COG7: variants seen among roughly 807,000 people sequenced by gnomAD.
COG7 encodes the protein component of oligomeric golgi complex 7, also known as conserved oligomeric Golgi complex subunit 7.
A neutral mutation model predicts 91.5 loss-of-function variants in COG7; 49 were observed. That is an observed-to-expected ratio of 0.54 (90% CI 0.43 to 0.68). COG7 has a LOEUF of 0.68. Among genes scored for constraint, COG7 ranks in the 30% least tolerant of loss-of-function variants. COG7 has a pLI of 0.00. For missense variants in COG7, 895 were observed against 961.3 expected, an observed-to-expected ratio of 0.93 and a Z score of 0.91; for synonymous variants, 365 against 388.7, an observed-to-expected ratio of 0.94 and a Z score of 0.72.
intron 9 of COG7, 141 bp from the exon 10 acceptor site, chr16:23,413,705 C>T: frequency 2.9e-6 from 2 of 681,802 alleles, no homozygotes; most frequent in Non-Finnish European, 5.4e-6. Context: ...AGTGAAACTG[C>T]TTGTAAACCT....
chr16:23,421,984 A>G (rs535186847), intron 7 of COG7, among the ~76,000 whole-genome samples: 1 of 152,316 alleles, frequency 6.6e-6, no homozygotes, highest in Non-Finnish European at 1.5e-5. Context: ...AAAACAGTTC[A>G]TTATAGTTTT....
At chr16:23,452,744 T>C in intron 1 of COG7, 82 bp downstream of exon 1, 15 of 1,531,792 alleles carry the variant, frequency 9.8e-6, no homozygotes, top group Non-Finnish European at 1.3e-5. Context: ...CCCGCCCACC[T>C]GAGTGCCTCA....
intron 2 of COG7, 25 bp from the exon 3 acceptor site, chr16:23,445,189 A>G: frequency 6.6e-7 from 1 of 1,518,614 alleles, no homozygotes; most frequent in Non-Finnish European, 9.1e-7. Flanking sequence ...AGGGGTGAAA[A>G]ATGAAGGGGT....
chr16:23,389,024 C>T lies in COG7; in HGVS notation c.2209G>A (p.Val737Met), dbSNP rs777056912. The T allele has an allele frequency of 9.3e-6, 15 of 1,614,074 alleles. No homozygotes were observed. Among genetic ancestry groups the T allele is most frequent in the East Asian group, 4.5e-5 (2 of 44,856 alleles). Reference protein sequence around the residue: ...LQPSRTLQHIVTLLKTRPEDY... With the variant: ...LQPSRTLQHIMTLLKTRPEDY... ...TCAGGCCTGGTCTTCAGTAGCGTCA[C>T]GATGTGCTGGAGGGTGCGGGACGGC... is the stretch of plus-strand genomic sequence containing the variant. The change falls in exon 17 of 17, where the codon GTG becomes ATG. Residue 737 changes from valine (V) to methionine (M), a missense_variant. Val to Met is a conservative substitution (Grantham distance 21). Transcript: ENST00000307149.
chr16:23,436,751 TTAGA>T (rs1264900180), intron 4 of COG7, among the ~76,000 whole-genome samples: 1 of 152,000 alleles, frequency 6.6e-6, no homozygotes, highest in African/African-American at 2.4e-5. Context: ...GTAAAAACTG[TTAGA>T]TAAAGAACTA....
chr16:23,432,524 A>G (rs1381882830), intron 6 of COG7, among the ~76,000 whole-genome samples: 2 of 152,156 alleles, frequency 1.3e-5, no homozygotes, highest in East Asian at 3.8e-4. Flanking sequence ...TAAATAAGAA[A>G]AAAATAAATA....
At chr16:23,448,277 T>C (rs1276879856) in intron 1 of COG7, among the ~76,000 whole-genome samples, 1 of 152,158 alleles carries the variant, frequency 6.6e-6, no homozygotes, top group Non-Finnish European at 1.5e-5. Flanking sequence ...ATCTGCCTCA[T>C]CTTCAGTTAC....
At position 23,418,946 on chromosome 16, in the gene COG7, T is replaced by A; in HGVS notation, c.1010-119A>T. The A allele has an allele frequency of 4.8e-6, 4 of 838,002 alleles. No individual in the cohort carries two copies. In the South Asian group the frequency reaches 5.7e-5, roughly 12 times the overall value. 51.9% of individuals were successfully genotyped at this position (838,002 alleles called of 1,614,324 possible). A position where few individuals can be genotyped will look rare whatever the true frequency, so the allele number is the denominator to read the frequency against. On this transcript the variant is annotated intron_variant, in intron 7 of 16. Coordinates refer to ENST00000307149, the MANE Select transcript of COG7 (RefSeq NM_153603.4). ...TCCCCATTTGATCTCCAGAGGGGACTATATTTTGTTAAGCAGCTTTTATCA... is the reference window on the plus strand; with the variant it reads ...TCCCCATTTGATCTCCAGAGGGGACAATATTTTGTTAAGCAGCTTTTATCA...
intron 12 of COG7, among the ~76,000 whole-genome samples, chr16:23,405,306 C>A (rs1484921108): frequency 1.3e-5 from 2 of 152,134 alleles, no homozygotes; most frequent in African/African-American, 4.8e-5. Flanking sequence ...GTAATGACTT[C>A]TCTTGCTCCT....
Position 23,424,909 on chromosome 16 carries a change from C to A in COG7, c.849G>T (p.Leu283=). The A allele has an allele frequency of 6.2e-7, 1 of 1,613,488 alleles. No homozygotes were observed. Among genetic ancestry groups the A allele is most frequent in the Non-Finnish European group, 8.5e-7 (1 of 1,179,682 alleles). ...QKPHEVVMVL[L]IQTLGALMPS... ...GCATGAGGGCCCCCAGGGTCTGAAT[C>A]AGCAGCACCATTACCACCTCGTGGG... is the stretch of plus-strand genomic sequence containing the variant. The change falls in exon 7 of 17, where the codon CTG becomes CTT. Residue 283 remains leucine (L), a synonymous_variant. Coordinates refer to ENST00000307149, the MANE Select transcript of COG7 (RefSeq NM_153603.4).
At chr16:23,407,653 T>A (rs978895382) in intron 11 of COG7, among the ~76,000 whole-genome samples, 1 of 152,204 alleles carries the variant, frequency 6.6e-6, no homozygotes, top group African/African-American at 2.4e-5. Context: ...TCCCTCCAAC[T>A]GGACGGTGAG....
At chr16:23,429,925 T>C (rs891120158) in intron 6 of COG7, among the ~76,000 whole-genome samples, 6 of 152,008 alleles carry the variant, frequency 3.9e-5, no homozygotes, top group African/African-American at 1.4e-4. Context: ...TCCATCTAGG[T>C]GAAATTCTAG....
chr16:23,452,482 G>T (rs1018048402), intron 1 of COG7, among the ~76,000 whole-genome samples: 1 of 152,144 alleles, frequency 6.6e-6, no homozygotes, highest in Admixed American at 6.5e-5. Context: ...CGAGAGGATC[G>T]CTTGAGTGCA....
At chr16:23,451,070 G>C (rs970513505) in intron 1 of COG7, among the ~76,000 whole-genome samples, 1 of 152,118 alleles carries the variant, frequency 6.6e-6, no homozygotes, top group Non-Finnish European at 1.5e-5. Context: ...GCACGCACCT[G>C]TAATCCCAGC....
intron 16 of COG7, chr16:23,391,862 C>T (rs1004684199): frequency 2.8e-6 from 1 of 351,696 alleles, no homozygotes; most frequent in Admixed American, 5.1e-5. Context: ...AGGATGCTAT[C>T]TGGATGGAGA....
intron 3 of COG7, among the ~76,000 whole-genome samples, chr16:23,444,140 A>C (rs1458933197): frequency 1.3e-5 from 2 of 152,010 alleles, no homozygotes; most frequent in Non-Finnish European, 2.9e-5. Flanking sequence ...TCCGTTTCAA[A>C]AGAAAAAAAA....
In COG7 at chr16:23,442,748, T is replaced by C. The variant is rs552095726; in HGVS notation, c.436-103A>G. On this transcript the variant is annotated intron_variant, in intron 3 of 16. Transcript: ENST00000307149. ...AAAGGCAACTCATCAAGTATGAAAA[T>C]GGGGCTGGGCATCGTGGTGGTTCAT... The C allele has an allele frequency of 3.5e-4, 369 of 1,048,942 alleles. 7 individuals carry two copies. The South Asian group carries it at 4.4e-3, about 12-fold the overall frequency. 65.0% of individuals were successfully genotyped at this position (1,048,942 alleles called of 1,614,324 possible).
intron 3 of COG7, among the ~76,000 whole-genome samples, chr16:23,443,763 T>C (rs1964138818): frequency 6.6e-6 from 1 of 151,944 alleles, no homozygotes; most frequent in Non-Finnish European, 1.5e-5. Flanking sequence ...ACAATGAGCT[T>C]TGTGAGGAAA....
At chr16:23,423,688 A>C (rs1190252002) in intron 7 of COG7, among the ~76,000 whole-genome samples, 1 of 152,256 alleles carries the variant, frequency 6.6e-6, no homozygotes. Flanking sequence ...ACACAGATGT[A>C]ATTAAAGAGA....
Sources: allele counts gnomAD v4.1 joint callset (sites outside exome capture counted in the v4.1 genomes callset), GRCh38; gene constraint gnomAD v4.1.1; transcripts MANE v1.5; gene names NCBI Gene and HGNC (gene_info 2026-07-23, HGNC 2026-07-21).